Variants in SLC35F3 observed in about 807,000 individuals in gnomAD.
The protein encoded by SLC35F3 is solute carrier family 35 member F3.
A neutral mutation model predicts 49.9 loss-of-function variants in SLC35F3; 25 were observed. The observed-to-expected ratio is 0.50, with a 90% confidence interval of 0.37 to 0.70. The LOEUF (loss-of-function observed/expected upper bound fraction) is 0.70, where lower values mean the gene tolerates loss of function less well. Among genes scored for constraint, SLC35F3 ranks in the 30% least tolerant of loss-of-function variants. The pLI is 0.00. For synonymous variants in SLC35F3, 275 were observed against 265.4 expected, an observed-to-expected ratio of 1.04 and a Z score of -0.35; for missense variants, 525 against 639.8, an observed-to-expected ratio of 0.82 and a Z score of 1.94.
intron 3 of SLC35F3, among the ~76,000 whole-genome samples, chr1:234,278,306 A>G (rs1307825342): frequency 2.0e-5 from 3 of 152,218 alleles, no homozygotes. Flanking sequence ...CCTGGCCAAC[A>G]TAGTGAAACC....
At chr1:234,259,806 A>G (rs1203620146) in intron 3 of SLC35F3, among the ~76,000 whole-genome samples, 2 of 152,068 alleles carry the variant, frequency 1.3e-5, no homozygotes, top group African/African-American at 4.8e-5. Flanking sequence ...ATCTACAGAT[A>G]TCACTATATC....
chr1:234,065,985 C>T (rs1346363528), intron 2 of SLC35F3, among the ~76,000 whole-genome samples: 3 of 152,184 alleles, frequency 2.0e-5, no homozygotes, highest in Non-Finnish European at 2.9e-5. Flanking sequence ...GGTCCGGAGG[C>T]AAGAGCCAAA....
At chr1:234,235,911 A>G (rs545277596) in intron 3 of SLC35F3, among the ~76,000 whole-genome samples, 1 of 152,328 alleles carries the variant, frequency 6.6e-6, no homozygotes, top group South Asian at 2.1e-4. Flanking sequence ...TTTATCGGCC[A>G]TTTAAAATCT....
chr1:234,169,875 C>G (rs113879074), intron 2 of SLC35F3, among the ~76,000 whole-genome samples: 2,509 of 152,292 alleles, frequency 0.016, 67 homozygotes, highest in African/African-American at 0.057. Flanking sequence ...TCACGCCATT[C>G]TCCTGCCTCA....
chr1:234,287,125 G>C (rs1217295926), intron 3 of SLC35F3, among the ~76,000 whole-genome samples: 1 of 152,086 alleles, frequency 6.6e-6, no homozygotes, highest in Non-Finnish European at 1.5e-5. Context: ...CGTGAGCCTG[G>C]GAGTTCCAGG....
chr1:234,085,455 C>T (rs1377257547), intron 2 of SLC35F3, among the ~76,000 whole-genome samples: 2 of 152,154 alleles, frequency 1.3e-5, no homozygotes, highest in African/African-American at 4.8e-5. Context: ...GATAAGTATT[C>T]CCCAATCATT....
intron 2 of SLC35F3, among the ~76,000 whole-genome samples, chr1:233,979,875 C>T (rs565019993): frequency 6.6e-5 from 10 of 152,230 alleles, no homozygotes; most frequent in East Asian, 5.8e-4. Context: ...TGAGGGAGCC[C>T]GTGGTCGTGA....
intron 2 of SLC35F3, among the ~76,000 whole-genome samples, chr1:234,081,067 T>C (rs770604138): frequency 1.3e-5 from 2 of 152,192 alleles, no homozygotes; most frequent in Non-Finnish European, 2.9e-5. Context: ...TGCTTCTCAT[T>C]CCTACTGCCA....
In SLC35F3 at chr1:234,324,248, T is replaced by A. The variant is rs1657701744; in HGVS notation, c.*1005T>A. 2 of 152,360 alleles carry A rather than the reference T, an allele frequency of 1.3e-5. No homozygotes were observed. Among genetic ancestry groups the A allele is most frequent in the South Asian group, 4.1e-4 (2 of 4,832 alleles). The allele number at this position is 152,360 out of a possible 1,614,324, so 9.4% of individuals were successfully genotyped here. ...AGGCTGTTTACTTACACAATTTAGG[T>A]CTGCCAGAAAATTCTATCTGTGATA... On this transcript the variant is annotated 3_prime_UTR_variant, in exon 8 of 8. Coordinates refer to ENST00000366618, the MANE Select transcript of SLC35F3 (RefSeq NM_173508.4).
At chr1:234,270,586 C>T (rs1668082465) in intron 3 of SLC35F3, among the ~76,000 whole-genome samples, 1 of 152,224 alleles carries the variant, frequency 6.6e-6, no homozygotes, top group Admixed American at 6.5e-5. Context: ...ACTTCACCCT[C>T]ATCCTACAGA....
At chr1:234,310,449 G>A (rs1657324574) in intron 4 of SLC35F3, among the ~76,000 whole-genome samples, 1 of 152,132 alleles carries the variant, frequency 6.6e-6, no homozygotes, top group South Asian at 2.1e-4. Flanking sequence ...CGCAGTAGGG[G>A]GAAAATTTGT....
chr1:234,237,896 G>A (rs1051788964), intron 3 of SLC35F3, among the ~76,000 whole-genome samples: 1 of 152,036 alleles, frequency 6.6e-6, no homozygotes, highest in Non-Finnish European at 1.5e-5. Context: ...TAGAGATGAG[G>A]TTTCGCCATG....
chr1:233,922,512 A>G (rs1328257033), intron 2 of SLC35F3, among the ~76,000 whole-genome samples: 2 of 119,472 alleles, frequency 1.7e-5, no homozygotes, highest in East Asian at 2.3e-4. Flanking sequence ...TTTTCTTGTA[A>G]ATTTGTTTAA....
At chr1:234,024,342 A>G (rs529037965) in intron 2 of SLC35F3, among the ~76,000 whole-genome samples, 1 of 152,342 alleles carries the variant, frequency 6.6e-6, no homozygotes, top group East Asian at 1.9e-4. Context: ...CAGGCCAGAC[A>G]GCCTTTGTGC....
chr1:234,272,092 C>T (rs1668116877), intron 3 of SLC35F3, among the ~76,000 whole-genome samples: 1 of 152,176 alleles, frequency 6.6e-6, no homozygotes. Flanking sequence ...TGCCATTGCA[C>T]TCCAGCCTGG....
At chr1:234,294,062 CCT>C (rs774535059) in intron 3 of SLC35F3, among the ~76,000 whole-genome samples, 23 of 152,282 alleles carry the variant, frequency 1.5e-4, no homozygotes, top group Non-Finnish European at 3.1e-4. Context: ...GGATAATTCC[CCT>C]GAATGTTTCT....
At chr1:234,047,520 G>C (rs1052640745) in intron 2 of SLC35F3, among the ~76,000 whole-genome samples, 2 of 152,168 alleles carry the variant, frequency 1.3e-5, no homozygotes, top group African/African-American at 4.8e-5. Context: ...GATTAAAATT[G>C]AATCATTGGT....
chr1:233,987,204 C>T (rs1018215630), intron 2 of SLC35F3, among the ~76,000 whole-genome samples: 3 of 152,186 alleles, frequency 2.0e-5, no homozygotes, highest in African/African-American at 7.2e-5. Flanking sequence ...GCACAAGAAT[C>T]ACTTGAGCTG....
At chr1:234,236,819 C>A (rs1667477157) in intron 3 of SLC35F3, among the ~76,000 whole-genome samples, 3 of 151,240 alleles carry the variant, frequency 2.0e-5, no homozygotes, top group Admixed American at 2.0e-4. Context: ...ACATATACTT[C>A]TTTGATATCT....
Sources: allele counts gnomAD v4.1 joint callset (sites outside exome capture counted in the v4.1 genomes callset), GRCh38; gene constraint gnomAD v4.1.1; transcripts MANE v1.5; gene names NCBI Gene and HGNC (gene_info 2026-07-23, HGNC 2026-07-21).